FGGY: variants seen among roughly 807,000 people sequenced by gnomAD.
The protein encoded by FGGY is FGGY carbohydrate kinase domain containing, also known as FGGY carbohydrate kinase domain-containing protein.
FGGY carries 72 observed loss-of-function variants against 71.3 expected under a neutral mutation model. The observed-to-expected ratio is 1.01, with a 90% CI of 0.84 to 1.23. The LOEUF (loss-of-function observed/expected upper bound fraction) is 1.23. Ranked by LOEUF, FGGY falls within the 50% of genes most tolerant of loss-of-function variation. The pLI, the probability that FGGY is intolerant of heterozygous loss-of-function variation, is 0.00. For missense variants in FGGY, 668 were observed against 682.3 expected, an observed-to-expected ratio of 0.98 and a Z score of 0.23; for synonymous variants, 251 against 250.3, an observed-to-expected ratio of 1.00 and a Z score of -0.02.
At chr1:59,529,929 CTCTT>C (rs1234310659) in intron 7 of FGGY, among the ~76,000 whole-genome samples, 7 of 152,146 alleles carry the variant, frequency 4.6e-5, no homozygotes, top group African/African-American at 1.4e-4. Context: ...ATTCTTCTAG[CTCTT>C]TCTATTTACA....
intron 5 of FGGY, among the ~76,000 whole-genome samples, chr1:59,407,572 C>G (rs992521775): frequency 2.0e-5 from 3 of 152,120 alleles, no homozygotes; most frequent in African/African-American, 7.2e-5. Context: ...AAAAAATATT[C>G]TGATAGTTAT....
chr1:59,358,365 C>G (rs1279649864), intron 4 of FGGY, among the ~76,000 whole-genome samples: 3 of 152,072 alleles, frequency 2.0e-5, no homozygotes, highest in Non-Finnish European at 4.4e-5. Context: ...TGTCTGGTAA[C>G]TACTAGGTAC....
chr1:59,441,760 C>G (rs1176088631), intron 5 of FGGY, among the ~76,000 whole-genome samples: 1 of 152,190 alleles, frequency 6.6e-6, no homozygotes. Flanking sequence ...GATGGCTTCA[C>G]CATGTCTGAT....
chr1:59,346,221 C>T (rs769191821), intron 3 of FGGY, 26 bp from the exon 4 acceptor site: 4 of 1,611,630 alleles, frequency 2.5e-6, no homozygotes, highest in African/African-American at 2.7e-5. Context: ...GTGTGTCCAT[C>T]TGCATCTCCC....
chr1:59,735,933 G>A (rs1257886100), intron 14 of FGGY, among the ~76,000 whole-genome samples: 1 of 152,130 alleles, frequency 6.6e-6, no homozygotes, highest in South Asian at 2.1e-4. Context: ...CCCTGATATG[G>A]TTTGGCTGTG....
intron 6 of FGGY, among the ~76,000 whole-genome samples, chr1:59,509,922 T>C (rs112239414): frequency 0.011 from 1,600 of 152,254 alleles, 31 homozygotes; most frequent in African/African-American, 0.036. Flanking sequence ...TTTGTGGAGA[T>C]TGGGGGTGAA....
intron 13 of FGGY, among the ~76,000 whole-genome samples, chr1:59,669,120 C>T (rs760339683): frequency 6.6e-6 from 1 of 152,126 alleles, no homozygotes; most frequent in Non-Finnish European, 1.5e-5. Context: ...ACACTTAATC[C>T]TCCCATACCA....
intron 9 of FGGY, among the ~76,000 whole-genome samples, chr1:59,616,944 A>G (rs2096761714): frequency 6.6e-6 from 1 of 152,152 alleles, no homozygotes; most frequent in African/African-American, 2.4e-5. Flanking sequence ...CCCACCAGTG[A>G]TGGCCTTTTA....
chr1:59,303,940 T>C (rs749181590), intron 1 of FGGY, among the ~76,000 whole-genome samples: 2 of 152,064 alleles, frequency 1.3e-5, no homozygotes, highest in African/African-American at 4.8e-5. Context: ...TTAAAAAAAA[T>C]TAAGTTACTT....
chr1:59,302,056 A>C (rs1469206604), intron 1 of FGGY, among the ~76,000 whole-genome samples: 1 of 151,998 alleles, frequency 6.6e-6, no homozygotes, highest in Admixed American at 6.5e-5. Flanking sequence ...TATTTTTAAA[A>C]AAGATTCTTA....
At chr1:59,369,505 A>G (rs888446254) in intron 4 of FGGY, among the ~76,000 whole-genome samples, 1 of 152,220 alleles carries the variant, frequency 6.6e-6, no homozygotes, top group Non-Finnish European at 1.5e-5. Context: ...ACAAAAAGAC[A>G]GCAGTAACCT....
At chr1:59,423,282 G>A (rs1015673392) in intron 5 of FGGY, among the ~76,000 whole-genome samples, 3 of 152,192 alleles carry the variant, frequency 2.0e-5, no homozygotes, top group Non-Finnish European at 4.4e-5. Flanking sequence ...TGTGGCAGCT[G>A]AAGCACAGAA....
At chr1:59,397,269 A>G (rs890783588) in intron 5 of FGGY, among the ~76,000 whole-genome samples, 2 of 152,286 alleles carry the variant, frequency 1.3e-5, no homozygotes, top group South Asian at 4.1e-4. Context: ...TTCCACTGGT[A>G]TTCCATTCCA....
intron 7 of FGGY, among the ~76,000 whole-genome samples, chr1:59,538,746 CA>C (rs901303637): frequency 6.0e-5 from 9 of 150,732 alleles, no homozygotes; most frequent in South Asian, 4.2e-4. Flanking sequence ...ATAGCAAGAA[CA>C]AAAAACCAAA....
At chr1:59,429,594 G>C (rs977117293) in intron 5 of FGGY, among the ~76,000 whole-genome samples, 1 of 152,128 alleles carries the variant, frequency 6.6e-6, no homozygotes, top group Non-Finnish European at 1.5e-5. Flanking sequence ...CCCAACACAT[G>C]TACAACTCTT....
At position 59,667,414 on chromosome 1, in the gene FGGY, G is replaced by A. The variant is rs771994880; in HGVS notation, c.1417+11G>A. The A allele has an allele frequency of 4.0e-5, 65 of 1,613,196 alleles. No homozygotes were observed. In the Admixed American group the frequency reaches 1.1e-3, roughly 27 times the overall value. On this transcript the variant is annotated intron_variant, in intron 13 of 15. Transcript: ENST00000303721. ...ATGCGGACATTACTGGTAAGTCTGG[G>A]AAAGAGGAGAGAAGGTCACTTTTTG...
chr1:59,699,182 C>T (rs1573400551), intron 14 of FGGY: 6 of 985,200 alleles, frequency 6.1e-6, no homozygotes, highest in Non-Finnish European at 4.8e-6. Context: ...CTGAGTCCCT[C>T]AGTGTAAATG....
chr1:59,341,095 AG>A (rs1472245353), intron 3 of FGGY, among the ~76,000 whole-genome samples: 1 of 152,188 alleles, frequency 6.6e-6, no homozygotes, highest in East Asian at 1.9e-4. Flanking sequence ...ATTGATACAC[AG>A]TGGAATTAGA....
chr1:59,371,074 A>G (rs541059555), intron 4 of FGGY, among the ~76,000 whole-genome samples: 1 of 152,278 alleles, frequency 6.6e-6, no homozygotes, highest in East Asian at 1.9e-4. Context: ...TTTAAATGTA[A>G]ATGGACTAAG....
Sources: allele counts gnomAD v4.1 joint callset (sites outside exome capture counted in the v4.1 genomes callset), GRCh38; gene constraint gnomAD v4.1.1; transcripts MANE v1.5; gene names NCBI Gene and HGNC (gene_info 2026-07-23, HGNC 2026-07-21).